The following JADE2 variants were observed in gnomAD, a reference collection of about 807,000 sequenced individuals.
JADE2 encodes E3 ubiquitin-protein ligase Jade-2.
A neutral mutation model predicts 85.7 loss-of-function variants in JADE2; 13 were observed. The observed-to-expected ratio is 0.15, with a 90% CI of 0.10 to 0.24. JADE2 has a LOEUF of 0.24. Ranked by LOEUF, JADE2 falls within the 10% of genes least tolerant of loss-of-function variation. The probability of loss-of-function intolerance (pLI) is 1.00; values close to 1 mark genes in which losing one functional copy is unlikely to be tolerated. For missense variants in JADE2, 846 were observed against 1,115.9 expected, an observed-to-expected ratio of 0.76 and a Z score of 3.45; for synonymous variants, 440 against 456.1, an observed-to-expected ratio of 0.96 and a Z score of 0.45.
intron 3 of JADE2, among the ~76,000 whole-genome samples, chr5:134,550,313 A>G (rs1257744011): frequency 1.3e-5 from 2 of 152,182 alleles, no homozygotes; most frequent in African/African-American, 4.8e-5. Flanking sequence ...AGATTCTGCA[A>G]GATGCTGCTT....
At chr5:134,573,872 C>A in intron 10 of JADE2, 110 bp downstream of exon 10, 1 of 801,688 alleles carries the variant, frequency 1.2e-6, no homozygotes, top group Non-Finnish European at 2.3e-6. Context: ...TGCGTGGAGC[C>A]AAGGGCCACT....
At chr5:134,570,861 G>C (rs568448949) in intron 9 of JADE2, among the ~76,000 whole-genome samples, 2 of 152,206 alleles carry the variant, frequency 1.3e-5, no homozygotes, top group South Asian at 2.1e-4. Context: ...TTTGCCCCAC[G>C]TGGGGGTGCT....
intron 3 of JADE2, among the ~76,000 whole-genome samples, chr5:134,539,219 A>G (rs907149643): frequency 1.8e-4 from 28 of 151,660 alleles, no homozygotes; most frequent in South Asian, 6.3e-4. Context: ...CCGCCACCAC[A>G]CCCGGCTAAT....
Position 134,578,546 on chromosome 5 carries a change from G to C in JADE2, c.1734G>C (p.Leu578=), listed in dbSNP as rs1764525114. The C allele has an allele frequency of 1.9e-6, 3 of 1,605,940 alleles. No homozygotes were observed. In the Admixed American group the frequency reaches 5.0e-5, roughly 27 times the overall value. ...ATGGCACCTTCTTCAACAGCTGGCT[G>C]GCACAGTCGGTGCAGATCACAGCAG... ...PIDGTFFNSW[L]AQSVQITAEN... is the part of the protein sequence containing the mutation. The change falls in exon 12 of 12, where the codon CTG becomes CTC. Residue 578 remains leucine (L), a synonymous_variant. Coordinates refer to ENST00000681547, the MANE Select transcript of JADE2 (RefSeq NM_001388185.1). This position sits in a 1 kb window ranked among gnomAD's most constrained non-coding sequence, Gnocchi z 4.4.
At chr5:134,525,567 C>T (rs1244977806), upstream of JADE2, 3 of 504,346 alleles carry the variant, frequency 5.9e-6, no homozygotes, top group South Asian at 2.1e-5. Flanking sequence ...AAAGTGGCTA[C>T]TCCCCCTCCC....
At position 134,566,070 on chromosome 5, in the gene JADE2, C is replaced by A; in HGVS notation, c.970-46C>A. ...GAAGCCCCTCTGTCTTCTCCCCTCC[C>A]ACCAGGCTCCCTCCATGTCTGATCC... On this transcript the variant is annotated intron_variant, in intron 8 of 11. Coordinates refer to ENST00000681547, the MANE Select transcript of JADE2 (RefSeq NM_001388185.1). The surrounding 1 kb of genome is among the most constrained non-coding windows in gnomAD (Gnocchi z 6.7). The A allele has an allele frequency of 6.5e-7, 1 of 1,527,928 alleles. No homozygotes were observed. The highest frequency in any genetic ancestry group is 9.0e-7 in the Non-Finnish European group (1 of 1,114,144). 94.6% of individuals were successfully genotyped at this position (1,527,928 alleles called of 1,614,324 possible).
At chr5:134,553,569 G>A (rs1762733052) in intron 4 of JADE2, among the ~76,000 whole-genome samples, 3 of 151,920 alleles carry the variant, frequency 2.0e-5, no homozygotes, top group Non-Finnish European at 4.4e-5. Context: ...AGCCAGGCTG[G>A]TCTCGAGCTC....
At chr5:134,575,165 G>T (rs1192667198) in intron 10 of JADE2, 1 of 152,328 alleles carries the variant, frequency 6.6e-6, no homozygotes, top group East Asian at 1.9e-4. Flanking sequence ...ACAACAGGCA[G>T]CTCTTTGTTC....
chr5:134,578,673 C>T lies in JADE2; in HGVS notation c.1861C>T (p.Leu621Phe), dbSNP rs1764533753. 6.2e-7 allele frequency: 1 copy of T among 1,614,050 alleles called. No homozygotes were observed. Among genetic ancestry groups the T allele is most frequent in the Non-Finnish European group, 8.5e-7 (1 of 1,180,030 alleles). ...ACTGCTGCAGGACGAGGAGACACTG[C>T]TCAGCTTCATGCGGGACCCCTCGCT... ...EELLQDEETL[L>F]SFMRDPSLRP... The change falls in exon 12 of 12, where the codon CTC (leucine) becomes TTC (phenylalanine). Residue 621 changes from leucine to phenylalanine, a missense_variant. Physicochemically the swap from Leu to Phe is conservative, Grantham distance 22. Around this residue, in one of 9 missense-constraint regions of JADE2, gnomAD observed 119 missense variants for 163.9 expected, o/e 0.73. Coordinates refer to ENST00000681547, the MANE Select transcript of JADE2 (RefSeq NM_001388185.1). The surrounding 1 kb of genome is among the most constrained non-coding windows in gnomAD (Gnocchi z 4.4).
Position 134,547,253 on chromosome 5 carries a change from G to A in JADE2, c.154-4799G>A, listed in dbSNP as rs142569926. 7.9e-3 allele frequency among the ~76,000 whole-genome samples: 1,203 copies of A among 152,276 alleles called. 13 individuals carry two copies. Among genetic ancestry groups the A allele is most frequent in the African/African-American group, 0.028 (1,166 of 41,558 alleles). The stretch of plus-strand genomic sequence containing the variant: ...GAGCAGACTCTTTAGCCCCCTCCAG[G>A]GCTGCATTGGCACCCCTAGCACTCA... On this transcript the variant is annotated intron_variant, in intron 3 of 11. Coordinates refer to ENST00000681547, the MANE Select transcript of JADE2 (RefSeq NM_001388185.1).
chr5:134,567,976 C>A (rs1204832336), intron 9 of JADE2, among the ~76,000 whole-genome samples: 1 of 152,198 alleles, frequency 6.6e-6, no homozygotes, highest in Non-Finnish European at 1.5e-5. Flanking sequence ...GGTGTAAGAC[C>A]TTCTGGGACC....
In JADE2 at chr5:134,579,251, G is replaced by C. The variant is rs1486819806; in HGVS notation, c.2439G>C (p.Gly813=). Residue 813 remains glycine, a synonymous_variant, in exon 12 of 12, where the codon GGG becomes GGC. Coordinates refer to ENST00000681547, the MANE Select transcript of JADE2 (RefSeq NM_001388185.1). The surrounding 1 kb of genome is among the most constrained non-coding windows in gnomAD (Gnocchi z 4.6). ...SDSDVEAEDG[G]VQRGPREAGA... is the part of the protein sequence containing the mutation. The stretch of plus-strand genomic sequence containing the variant: ...CAGATGTAGAGGCCGAGGACGGTGG[G>C]GTGCAGCGGGGTCCCCGGGAGGCAG... 3 of 1,613,790 alleles carry C rather than the reference G, an allele frequency of 1.9e-6. No individual in the cohort carries two copies. In the African/African-American group the frequency reaches 4.0e-5, roughly 22 times the overall value.
intron 3 of JADE2, among the ~76,000 whole-genome samples, chr5:134,550,520 G>C (rs1762531430): frequency 6.6e-6 from 1 of 152,212 alleles, no homozygotes; most frequent in African/African-American, 2.4e-5. Context: ...GTTGGAGTTT[G>C]GTCTCAGGCC....
intron 3 of JADE2, among the ~76,000 whole-genome samples, chr5:134,539,661 C>G (rs1027095732): frequency 1.3e-5 from 2 of 152,228 alleles, no homozygotes; most frequent in Non-Finnish European, 1.5e-5. Context: ...ACCTTAAATC[C>G]TTGGGGCTCA....
chr5:134,556,586 G>GCA (rs530526985), intron 4 of JADE2, among the ~76,000 whole-genome samples: 129 of 12,224 alleles, frequency 0.011, 33 homozygotes, highest in East Asian at 0.059. Context: ...CATACCACAT[G>GCA]CACACACACA....
intron 3 of JADE2, among the ~76,000 whole-genome samples, chr5:134,547,389 C>G (rs185437372): frequency 6.6e-4 from 101 of 152,344 alleles, no homozygotes; most frequent in Non-Finnish European, 4.4e-5. Context: ...TGCTAGGCAG[C>G]AGACCTTTAA....
rs903972108 is a variant in JADE2, at chr5:134,582,346, T to C, written c.*3029T>C. ...AGAAGCCACCCCAGGTTTCCAGACA[T>C]AGATGTTGAATTGTTTGTGGGGGGT... On this transcript the variant is annotated 3_prime_UTR_variant, in exon 12 of 12. Transcript: ENST00000681547. The C allele has an allele frequency of 6.6e-6, 1 of 152,198 alleles. No individual in the cohort carries two copies. Among genetic ancestry groups the C allele is most frequent in the Admixed American group, 6.5e-5 (1 of 15,284 alleles). The allele number at this position is 152,198 out of a possible 1,614,324, so 9.4% of individuals were successfully genotyped here.
chr5:134,575,932 G>A (rs1417186721), intron 10 of JADE2, among the ~76,000 whole-genome samples: 1 of 152,096 alleles, frequency 6.6e-6, no homozygotes, highest in Non-Finnish European at 1.5e-5. Flanking sequence ...CAGGCACAGT[G>A]GCTCGCACCT....
rs114151082 is a variant in JADE2 at position 134,532,809 on chromosome 5, C to T, written c.1-3049C>T. ...CATGGGGCAAAAAGCTGACATAGTG[C>T]GGTCCCAGGCCTCATTAGCCACTGT... On this transcript the variant is annotated intron_variant, in intron 1 of 11. Coordinates refer to ENST00000681547, the MANE Select transcript of JADE2 (RefSeq NM_001388185.1). 2.4e-3 allele frequency among the ~76,000 whole-genome samples: 364 copies of T among 152,256 alleles called. 1 individual carries two copies. Among genetic ancestry groups the T allele is most frequent in the African/African-American group, 7.4e-3 (307 of 41,530 alleles).
Sources: allele counts gnomAD v4.1 joint callset (sites outside exome capture counted in the v4.1 genomes callset), GRCh38; gene constraint gnomAD v4.1.1; regional missense constraint gnomAD v4.1.1; non-coding constraint Gnocchi (gnomAD v3.1); transcripts MANE v1.5; gene names NCBI Gene and HGNC (gene_info 2026-07-23, HGNC 2026-07-21).